FHIT: variants seen among roughly 807,000 people sequenced by gnomAD.
The protein encoded by FHIT is fragile histidine triad diadenosine triphosphatase, also known as bis(5'-adenosyl)-triphosphatase.
FHIT carries 19 observed loss-of-function variants against 17.9 expected under a neutral mutation model. The ratio of observed to expected loss-of-function variants is 1.06; its 90% CI spans 0.74 to 1.56. The LOEUF (loss-of-function observed/expected upper bound fraction) is 1.56. Ranked by LOEUF, FHIT falls within the 40% of genes most tolerant of loss-of-function variation. FHIT has a pLI of 0.00. For missense variants in FHIT, 248 were observed against 189.2 expected (o/e 1.31, Z -1.82); for synonymous variants, 81 against 69.7 (o/e 1.16, Z -0.81).
At chr3:60,113,276 A>G (rs1704761444) in intron 5 of FHIT, among the ~76,000 whole-genome samples, 1 of 152,204 alleles carries the variant, frequency 6.6e-6, no homozygotes, top group Non-Finnish European at 1.5e-5. Context: ...AGCATGAAAC[A>G]CATACCAAGC....
intron 4 of FHIT, among the ~76,000 whole-genome samples, chr3:60,630,692 T>C (rs2039415004): frequency 6.6e-6 from 1 of 152,108 alleles, no homozygotes; most frequent in African/African-American, 2.4e-5. Context: ...ACACTTACAG[T>C]TGAACTTTGC....
intron 7 of FHIT, among the ~76,000 whole-genome samples, chr3:59,931,158 T>A (rs1705952054): frequency 6.6e-6 from 1 of 152,240 alleles, no homozygotes; most frequent in Non-Finnish European, 1.5e-5. Flanking sequence ...CAGCAGTGAC[T>A]ATATTACAGG....
chr3:60,348,881 C>T lies in FHIT; in HGVS notation c.103+187979G>A, dbSNP rs539476542. On this transcript the variant is annotated intron_variant, in intron 5 of 9. Transcript: ENST00000492590. ...GCTGGCGGATACAAAATATTTAGAGCGGAGCTAAGTCATTCAGCCAAGAAC... is the reference window on the plus strand; with the variant it reads ...GCTGGCGGATACAAAATATTTAGAGTGGAGCTAAGTCATTCAGCCAAGAAC... Among the ~76,000 whole-genome samples, 9 of 152,316 alleles carry T rather than the reference C, an allele frequency of 5.9e-5. No homozygotes were observed. The South Asian group carries it at 6.2e-4, about 11-fold the overall frequency.
At chr3:60,295,040 G>A (rs1708145699) in intron 5 of FHIT, among the ~76,000 whole-genome samples, 1 of 152,034 alleles carries the variant, frequency 6.6e-6, no homozygotes, top group Non-Finnish European at 1.5e-5. Flanking sequence ...TTGGATAAAT[G>A]ACCATGATCA....
intron 5 of FHIT, among the ~76,000 whole-genome samples, chr3:60,024,196 A>T (rs1307302371): frequency 6.6e-6 from 1 of 152,172 alleles, no homozygotes; most frequent in Non-Finnish European, 1.5e-5. Context: ...ACAATGAGGA[A>T]CCCTCTTCTA....
At chr3:60,340,667 A>G (rs1710472264) in intron 5 of FHIT, among the ~76,000 whole-genome samples, 1 of 152,202 alleles carries the variant, frequency 6.6e-6, no homozygotes, top group Non-Finnish European at 1.5e-5. Flanking sequence ...TGACCCTTGA[A>G]CAACACAGGT....
chr3:60,398,904 A>G (rs1417202263), intron 5 of FHIT, among the ~76,000 whole-genome samples: 3 of 151,998 alleles, frequency 2.0e-5, no homozygotes, highest in African/African-American at 4.8e-5. Context: ...AAATTTATGT[A>G]TGCATATACA....
At chr3:60,251,420 A>G (rs1274735978) in intron 5 of FHIT, among the ~76,000 whole-genome samples, 1 of 152,186 alleles carries the variant, frequency 6.6e-6, no homozygotes, top group African/African-American at 2.4e-5. Flanking sequence ...AAAAAGTACT[A>G]ACATCTTCAA....
intron 1 of FHIT, among the ~76,000 whole-genome samples, chr3:61,237,837 A>G (rs2040270008): frequency 6.6e-6 from 1 of 152,226 alleles, no homozygotes. Flanking sequence ...AATGAGAGGC[A>G]AAGCCAGAAG....
intron 2 of FHIT, among the ~76,000 whole-genome samples, chr3:61,048,787 A>G (rs1414073054): frequency 1.3e-5 from 2 of 152,292 alleles, no homozygotes; most frequent in African/African-American, 4.8e-5. Context: ...ATGGAATACT[A>G]TGCAGCCATA....
chr3:60,662,804 C>T (rs1553691506), intron 4 of FHIT, among the ~76,000 whole-genome samples: 1 of 151,934 alleles, frequency 6.6e-6, no homozygotes, highest in Non-Finnish European at 1.5e-5. Context: ...TATATAAGAA[C>T]ATTTTGCCTT....
At chr3:60,276,833 G>C (rs1707162589) in intron 5 of FHIT, among the ~76,000 whole-genome samples, 1 of 152,064 alleles carries the variant, frequency 6.6e-6, no homozygotes, top group South Asian at 2.1e-4. Context: ...AGTAGAGGAA[G>C]TCCCAGCCTC....
At chr3:60,913,041 C>A (rs1217738141) in intron 3 of FHIT, among the ~76,000 whole-genome samples, 1 of 152,174 alleles carries the variant, frequency 6.6e-6, no homozygotes, top group Non-Finnish European at 1.5e-5. Flanking sequence ...GCCTGTTTCA[C>A]AATGAAGCAC....
intron 3 of FHIT, among the ~76,000 whole-genome samples, chr3:60,865,554 G>A (rs782451021): frequency 1.1e-4 from 16 of 152,108 alleles, no homozygotes; most frequent in Admixed American, 3.3e-4. Context: ...CATTTTAATC[G>A]TTTGTATGTA....
intron 3 of FHIT, among the ~76,000 whole-genome samples, chr3:60,921,849 A>T (rs1353291703): frequency 6.6e-6 from 1 of 152,206 alleles, no homozygotes; most frequent in African/African-American, 2.4e-5. Flanking sequence ...CCTGCCCAAC[A>T]CTATCTTTTC....
At position 60,984,700 on chromosome 3, in the gene FHIT, T is replaced by C. The variant is rs546377987; in HGVS notation, c.-111+57347A>G. ...GTCTTGACATCAACTTAGGAAATTG[T>C]AACGAGAAATTTTAAAAGCTACAAT... On this transcript the variant is annotated intron_variant, in intron 3 of 9. Coordinates refer to ENST00000492590, the MANE Select transcript of FHIT (RefSeq NM_002012.4). Among the ~76,000 whole-genome samples the C allele has an allele frequency of 1.3e-4, 20 of 152,272 alleles. No individual in the cohort carries two copies. In the South Asian group the frequency reaches 1.7e-3, roughly 13 times the overall value.
At chr3:60,309,332 C>A (rs1708832209) in intron 5 of FHIT, among the ~76,000 whole-genome samples, 3 of 151,726 alleles carry the variant, frequency 2.0e-5, no homozygotes, top group Admixed American at 1.3e-4. Context: ...GACAAGAGAC[C>A]CCCATTTCCA....
chr3:60,090,537 A>G (rs1050146156), intron 5 of FHIT, among the ~76,000 whole-genome samples: 2 of 152,158 alleles, frequency 1.3e-5, no homozygotes, highest in African/African-American at 2.4e-5. Context: ...GCCACAACAT[A>G]TAATATATCT....
At chr3:60,252,441 G>A (rs1705760712) in intron 5 of FHIT, among the ~76,000 whole-genome samples, 1 of 152,026 alleles carries the variant, frequency 6.6e-6, no homozygotes, top group South Asian at 2.1e-4. Flanking sequence ...GCAACTGCCT[G>A]TAGTCCCAGC....
Sources: gnomAD v4.1 joint callset for allele counts (sites outside exome capture counted in the v4.1 genomes callset) on GRCh38, gnomAD v4.1.1 for gene constraint, MANE v1.5 for transcripts, NCBI Gene and HGNC (gene_info 2026-07-23, HGNC 2026-07-21) for gene names.